ANK2: variants seen among roughly 807,000 people sequenced by gnomAD.
The protein encoded by ANK2 is ankyrin-2.
Under a neutral mutation model 360.5 loss-of-function variants are expected in ANK2, and 83 were observed. The ratio of observed to expected loss-of-function variants is 0.23; its 90% CI spans 0.19 to 0.28. The LOEUF (loss-of-function observed/expected upper bound fraction) is 0.28. Among genes scored for constraint, ANK2 ranks in the 10% least tolerant of loss-of-function variants. The pLI is 1.00. For synonymous variants in ANK2, 1,740 were observed against 1,759.5 expected, an observed-to-expected ratio of 0.99 and a Z score of 0.28; for missense variants, 4,201 against 4,795.7, an observed-to-expected ratio of 0.88 and a Z score of 3.66.
chr4:113,332,683 C>A (rs1447161290), intron 28 of ANK2, among the ~76,000 whole-genome samples: 1 of 152,234 alleles, frequency 6.6e-6, no homozygotes, highest in African/African-American at 2.4e-5. Context: ...CCTCTTAAAC[C>A]ATTTCGTCAT....
intron 1 of ANK2, among the ~76,000 whole-genome samples, chr4:112,828,025 C>T (rs532265234): frequency 3.4e-4 from 51 of 152,128 alleles, no homozygotes; most frequent in African/African-American, 1.0e-3. Flanking sequence ...GACACAGAGA[C>T]GAATAGAACA....
At chr4:113,096,583 A>G (rs1170294066) in intron 1 of ANK2, among the ~76,000 whole-genome samples, 1 of 152,302 alleles carries the variant, frequency 6.6e-6, no homozygotes, top group Admixed American at 6.5e-5. Flanking sequence ...AGCTGCAAAT[A>G]ACTCTTTTTA....
chr4:112,923,542 A>G (rs1198583947), intron 2 of ANK2, among the ~76,000 whole-genome samples: 1 of 152,052 alleles, frequency 6.6e-6, no homozygotes, highest in Admixed American at 6.6e-5. Context: ...ATATTTTTGA[A>G]AAGAAAGAAA....
intron 1 of ANK2, among the ~76,000 whole-genome samples, chr4:112,869,900 T>C (rs1307065095): frequency 6.6e-6 from 1 of 152,144 alleles, no homozygotes; most frequent in East Asian, 1.9e-4. Context: ...CGAGCTCATC[T>C]TGAACTCCTG....
intron 1 of ANK2, among the ~76,000 whole-genome samples, chr4:112,839,953 C>G (rs1007992838): frequency 3.9e-5 from 6 of 152,168 alleles, no homozygotes; most frequent in African/African-American, 1.4e-4. Flanking sequence ...TTGTACTCTT[C>G]TGTATGTTGA....
At chr4:112,795,661 A>G in the ANK2 span, among the ~76,000 whole-genome samples, 2 of 151,794 alleles carry the variant, frequency 1.3e-5, no homozygotes, top group African/African-American at 4.8e-5. Flanking sequence ...CTGCCACCAC[A>G]CCTGGCTAAT....
intron 2 of ANK2, among the ~76,000 whole-genome samples, chr4:112,927,170 G>A (rs559759054): frequency 7.9e-5 from 12 of 152,228 alleles, no homozygotes; most frequent in East Asian, 5.8e-4. Flanking sequence ...TACAATTCAA[G>A]GTGAGATTTG....
intron 1 of ANK2, among the ~76,000 whole-genome samples, chr4:112,877,284 A>G (rs1035886041): frequency 3.9e-5 from 6 of 152,142 alleles, no homozygotes; most frequent in Non-Finnish European, 8.8e-5. Context: ...GCCCACCACA[A>G]TAATTAAAGG....
intron 2 of ANK2, among the ~76,000 whole-genome samples, chr4:112,983,687 A>T (rs557020234): frequency 4.6e-5 from 7 of 152,208 alleles, no homozygotes; most frequent in South Asian, 4.1e-4. Flanking sequence ...GAAAAAAAAA[A>T]AGTGCTAGAC....
At chr4:113,364,156 C>T (rs919751016) in intron 40 of ANK2, among the ~76,000 whole-genome samples, 7 of 152,094 alleles carry the variant, frequency 4.6e-5, no homozygotes, top group East Asian at 1.9e-4. Context: ...CCACTATGAC[C>T]GCCATCACGC....
intron 1 of ANK2, among the ~76,000 whole-genome samples, chr4:112,834,315 G>A (rs1266575372): frequency 2.0e-5 from 3 of 152,122 alleles, no homozygotes; most frequent in Admixed American, 6.5e-5. Context: ...ATTTATGACT[G>A]AAATGATATG....
chr4:113,330,742 C>T (rs2153929060), intron 27 of ANK2, among the ~76,000 whole-genome samples: 1 of 152,228 alleles, frequency 6.6e-6, no homozygotes, highest in Admixed American at 6.5e-5. Flanking sequence ...ATGTGAATAA[C>T]CAGTATTTTA....
intron 1 of ANK2, among the ~76,000 whole-genome samples, chr4:113,089,022 G>A: frequency 6.6e-6 from 1 of 152,114 alleles, no homozygotes; most frequent in East Asian, 1.9e-4. Flanking sequence ...ATACTCCAGT[G>A]GGCCCAACTG....
chr4:113,067,437 G>A (rs2076033139), intron 1 of ANK2, among the ~76,000 whole-genome samples: 1 of 152,108 alleles, frequency 6.6e-6, no homozygotes, highest in Non-Finnish European at 1.5e-5. Context: ...AGGTACAGAG[G>A]GGAAGATACT....
chr4:112,752,718 C>A, the ANK2 span, among the ~76,000 whole-genome samples: 3 of 152,070 alleles, frequency 2.0e-5, no homozygotes, highest in Non-Finnish European at 4.4e-5. Context: ...TCAGTTGCCC[C>A]AGCTGCAGTG....
chr4:112,826,563 CT>C, intron 1 of ANK2: 1 of 1,431,030 alleles, frequency 7.0e-7, no homozygotes, highest in Non-Finnish European at 9.5e-7. Context: ...GGGCCCTGTC[CT>C]TTCACAACCA....
chr4:112,770,170 A>G, the ANK2 span, among the ~76,000 whole-genome samples: 2 of 152,256 alleles, frequency 1.3e-5, no homozygotes, highest in East Asian at 3.9e-4. Flanking sequence ...ATCAAGTTCT[A>G]CATCGAATCA....
intron 1 of ANK2, among the ~76,000 whole-genome samples, chr4:112,850,069 C>T (rs1023411736): frequency 6.6e-6 from 1 of 152,152 alleles, no homozygotes; most frequent in African/African-American, 2.4e-5. Flanking sequence ...ATTTATACCA[C>T]TGGATCCCTT....
intron 1 of ANK2, among the ~76,000 whole-genome samples, chr4:112,843,323 T>G (rs1485007688): frequency 6.6e-6 from 1 of 152,202 alleles, no homozygotes; most frequent in Non-Finnish European, 1.5e-5. Context: ...TCAACTCTTT[T>G]TTTCTGTTTT....
Sources: gnomAD v4.1 joint callset for allele counts (sites outside exome capture counted in the v4.1 genomes callset) on GRCh38, gnomAD v4.1.1 for gene constraint, MANE v1.5 for transcripts, NCBI Gene and HGNC (gene_info 2026-07-23, HGNC 2026-07-21) for gene names.